ZNF248: variants seen among roughly 807,000 people sequenced by gnomAD.
ZNF248 encodes the protein KRAB protein domain.
ZNF248 carries 20 observed loss-of-function variants against 44.3 expected under a neutral mutation model. The ratio of observed to expected loss-of-function variants is 0.45; its 90% CI spans 0.32 to 0.66. The LOEUF (loss-of-function observed/expected upper bound fraction) is 0.66. Ranked by LOEUF, ZNF248 falls within the 30% of genes least tolerant of loss-of-function variation. ZNF248 has a pLI of 0.04. For synonymous variants in ZNF248, 224 were observed against 229.0 expected (o/e 0.98, Z 0.20); for missense variants, 654 against 677.0 (o/e 0.97, Z 0.38).
intron 6 of ZNF248, among the ~76,000 whole-genome samples, chr10:37,783,222 G>T (rs903618225): frequency 3.3e-5 from 5 of 152,062 alleles, no homozygotes; most frequent in Non-Finnish European, 5.9e-5. Context: ...AGAATACCTA[G>T]CAATAGACAA....
In ZNF248 at chr10:37,829,421, A is replaced by C; in HGVS notation, c.*2194T>G. 1 of 985,416 alleles carries C rather than the reference A, an allele frequency of 1.0e-6. No homozygotes were observed. Among genetic ancestry groups the C allele is most frequent in the Non-Finnish European group, 1.2e-6 (1 of 829,920 alleles). The allele number at this position is 985,416 out of a possible 1,614,324, so 61.0% of individuals were successfully genotyped here. A position where few individuals can be genotyped will look rare whatever the true frequency, so the allele number is the denominator to read the frequency against. ...AGAAAGAACCATGGCTGATACAAAC[A>C]GCCATCCCTATATTAACTTGTGAAA... On this transcript the variant is annotated 3_prime_UTR_variant, in exon 6 of 6. Coordinates refer to ENST00000395867, the MANE Select transcript of ZNF248 (RefSeq NM_021045.3).
chr10:37,854,174 T>A (rs1490236323), intron 3 of ZNF248, among the ~76,000 whole-genome samples: 1 of 152,184 alleles, frequency 6.6e-6, no homozygotes, highest in Non-Finnish European at 1.5e-5. Flanking sequence ...TATAATCAAG[T>A]GGGAAGGACT....
intron 3 of ZNF248, among the ~76,000 whole-genome samples, chr10:37,852,639 A>C (rs190126315): frequency 1.8e-3 from 268 of 150,640 alleles, no homozygotes; most frequent in Admixed American, 6.0e-3. Flanking sequence ...ATCTCTCTCT[A>C]TATATAGATA....
downstream of ZNF248, chr10:37,828,700 A>C: frequency 4.1e-6 from 4 of 985,444 alleles, no homozygotes; most frequent in Non-Finnish European, 4.8e-6. Flanking sequence ...GTCATAACAC[A>C]TATTTAAGTA....
intron 4 of ZNF248, 94 bp from the exon 5 acceptor site, chr10:37,837,806 C>T (rs1423019935): frequency 2.2e-6 from 3 of 1,380,952 alleles, no homozygotes; most frequent in Non-Finnish European, 3.0e-6. Flanking sequence ...GCTTCACCAG[C>T]TACTCAAAGA....
intron 6 of ZNF248, among the ~76,000 whole-genome samples, chr10:37,793,157 C>A (rs1000116344): frequency 1.3e-5 from 2 of 151,886 alleles, no homozygotes; most frequent in African/African-American, 4.8e-5. Flanking sequence ...CATGGTGAAA[C>A]CCCATCTCTA....
At chr10:37,822,598 C>T (rs921592240) in intron 6 of ZNF248, among the ~76,000 whole-genome samples, 2 of 152,058 alleles carry the variant, frequency 1.3e-5, no homozygotes, top group Non-Finnish European at 2.9e-5. Flanking sequence ...TAAAATGTCT[C>T]TGTTATATTC....
downstream of ZNF248, among the ~76,000 whole-genome samples, chr10:37,825,326 A>G (rs1046104386): frequency 4.6e-5 from 7 of 152,242 alleles, no homozygotes; most frequent in East Asian, 1.2e-3. Context: ...TAGAAAATTT[A>G]GAAACTAAAA....
At chr10:37,764,235 T>C in the ZNF248 span, among the ~76,000 whole-genome samples, 3 of 152,172 alleles carry the variant, frequency 2.0e-5, no homozygotes, top group Non-Finnish European at 4.4e-5. Context: ...CTGTCTTTCA[T>C]GGTTGAAGAT....
At chr10:37,810,589 A>C (rs1160307455) in intron 6 of ZNF248, among the ~76,000 whole-genome samples, 2 of 152,198 alleles carry the variant, frequency 1.3e-5, no homozygotes, top group African/African-American at 2.4e-5. Flanking sequence ...ATTTGAAAAA[A>C]ACTTGCAGAT....
rs1471652528 is a variant in ZNF248 at position 37,832,612 on chromosome 10, C to T, written c.743G>A (p.Gly248Glu). The T allele has an allele frequency of 6.8e-6, 11 of 1,613,370 alleles. No homozygotes were observed. Among genetic ancestry groups the T allele is most frequent in the Non-Finnish European group, 8.5e-6 (10 of 1,179,886 alleles). ...GETVCKYNEC[G>E]RTFIESLKLN... Reference sequence around the variant, plus strand: ...CTTTAAACTTTCAATGAAGGTTCTTCCACATTCGTTATATTTACAGACTGT... The same window carrying T: ...CTTTAAACTTTCAATGAAGGTTCTTTCACATTCGTTATATTTACAGACTGT... The change falls in exon 6 of 6, where the codon GGA (glycine) becomes GAA (glutamate). Residue 248 changes from glycine to glutamate, a missense_variant. Gly to Glu is a moderately conservative substitution (Grantham distance 98). Coordinates refer to ENST00000395867, the MANE Select transcript of ZNF248 (RefSeq NM_021045.3).
chr10:37,770,016 T>A, the ZNF248 span, among the ~76,000 whole-genome samples: 4 of 152,120 alleles, frequency 2.6e-5, no homozygotes, highest in African/African-American at 7.2e-5. Context: ...GTGAACTCCC[T>A]TTCACCATTG....
chr10:37,780,592 G>C (rs974783450), intron 6 of ZNF248, among the ~76,000 whole-genome samples: 1 of 152,198 alleles, frequency 6.6e-6, no homozygotes, highest in Non-Finnish European at 1.5e-5. Context: ...AGGACTCCTC[G>C]TCCCACGCAG....
intron 6 of ZNF248, among the ~76,000 whole-genome samples, chr10:37,815,073 G>T (rs2052216687): frequency 1.3e-5 from 2 of 151,092 alleles, no homozygotes; most frequent in Admixed American, 6.6e-5. Flanking sequence ...TTTTTTTTCA[G>T]ACTTTTTTTT....
intron 6 of ZNF248, among the ~76,000 whole-genome samples, chr10:37,780,791 G>A (rs1159154683): frequency 1.3e-5 from 2 of 152,114 alleles, no homozygotes; most frequent in Non-Finnish European, 2.9e-5. Flanking sequence ...CCCCCGAGCC[G>A]CGCGGGACCC....
At chr10:37,853,794 C>T (rs193293388) in intron 3 of ZNF248, among the ~76,000 whole-genome samples, 19 of 150,028 alleles carry the variant, frequency 1.3e-4, no homozygotes, top group Non-Finnish European at 2.4e-4. Flanking sequence ...CATCTTTAAA[C>T]AAAAAAAAAT....
At chr10:37,777,869 C>G (rs2046779775) in intron 6 of ZNF248, among the ~76,000 whole-genome samples, 1 of 152,182 alleles carries the variant, frequency 6.6e-6, no homozygotes, top group East Asian at 1.9e-4. Flanking sequence ...ATGAACTCAT[C>G]CTTTTTTATG....
chr10:37,856,726 A>G (rs1335180636), intron 1 of ZNF248, 194 bp from the exon 2 acceptor site: 1 of 989,654 alleles, frequency 1.0e-6, no homozygotes, highest in Non-Finnish European at 1.2e-6. Flanking sequence ...CTCTAAAAAA[A>G]GGGATAGGAT....
chr10:37,778,930 C>T (rs547720637), intron 6 of ZNF248, among the ~76,000 whole-genome samples: 31 of 152,270 alleles, frequency 2.0e-4, no homozygotes, highest in Non-Finnish European at 4.4e-4. Flanking sequence ...TGGATACATT[C>T]CTCAACACAT....
Sources: gnomAD v4.1 joint callset for allele counts (sites outside exome capture counted in the v4.1 genomes callset) on GRCh38, gnomAD v4.1.1 for gene constraint, MANE v1.5 for transcripts, NCBI Gene and HGNC (gene_info 2026-07-23, HGNC 2026-07-21) for gene names.